The following TAFA1 variants were observed in gnomAD, a reference collection of about 807,000 sequenced individuals.
The protein encoded by TAFA1 is chemokine-like protein TAFA-1.
A neutral mutation model predicts 18.5 loss-of-function variants in TAFA1; 4 were observed. The ratio of observed to expected loss-of-function variants is 0.22; its 90% CI spans 0.11 to 0.49. The LOEUF (loss-of-function observed/expected upper bound fraction) is 0.49, where lower values mean the gene tolerates loss of function less well. Ranked by LOEUF, TAFA1 falls within the 20% of genes least tolerant of loss-of-function variation. The probability of loss-of-function intolerance (pLI) is 0.98; values close to 1 mark genes in which losing one functional copy is unlikely to be tolerated. For synonymous variants in TAFA1, 56 were observed against 55.2 expected, an observed-to-expected ratio of 1.01 and a Z score of -0.06; for missense variants, 147 against 169.0, an observed-to-expected ratio of 0.87 and a Z score of 0.72.
At chr3:68,099,850 C>T (rs1333694262) in intron 2 of TAFA1, among the ~76,000 whole-genome samples, 3 of 152,160 alleles carry the variant, frequency 2.0e-5, no homozygotes, top group Non-Finnish European at 4.4e-5. Context: ...TTTGCAGCAA[C>T]ATACATGCAG....
chr3:68,044,030 G>T (rs919748491), intron 2 of TAFA1, among the ~76,000 whole-genome samples: 1 of 152,130 alleles, frequency 6.6e-6, no homozygotes, highest in Non-Finnish European at 1.5e-5. Flanking sequence ...GAAAATCACA[G>T]TCCTCAATTT....
At chr3:68,204,848 T>G (rs752086425) in intron 2 of TAFA1, among the ~76,000 whole-genome samples, 1 of 151,882 alleles carries the variant, frequency 6.6e-6, no homozygotes, top group African/African-American at 2.4e-5. Context: ...AACAAAGATA[T>G]ACAGTTACCT....
At chr3:68,108,943 G>T (rs1254214970) in intron 2 of TAFA1, among the ~76,000 whole-genome samples, 2 of 147,486 alleles carry the variant, frequency 1.4e-5, no homozygotes, top group African/African-American at 5.0e-5. Flanking sequence ...ATTCTATCAT[G>T]TTGCCATATT....
intron 3 of TAFA1, among the ~76,000 whole-genome samples, chr3:68,495,998 C>CAAA (rs199520960): frequency 5.6e-5 from 6 of 107,570 alleles, no homozygotes; most frequent in East Asian, 2.8e-4. Flanking sequence ...TTCCCTGAAG[C>CAAA]AAAAAAAAAA....
intron 3 of TAFA1, among the ~76,000 whole-genome samples, chr3:68,455,699 G>A (rs1298988423): frequency 6.6e-6 from 1 of 151,814 alleles, no homozygotes; most frequent in African/African-American, 2.4e-5. Context: ...AGATTTTCTT[G>A]ATTGGCCCTG....
At chr3:68,380,080 C>T (rs906726963) in intron 2 of TAFA1, among the ~76,000 whole-genome samples, 1 of 152,100 alleles carries the variant, frequency 6.6e-6, no homozygotes, top group Admixed American at 6.6e-5. Context: ...ATCCATGTCC[C>T]TACAAAGGAC....
At chr3:68,379,932 A>G (rs2069901148) in intron 2 of TAFA1, among the ~76,000 whole-genome samples, 1 of 151,164 alleles carries the variant, frequency 6.6e-6, no homozygotes, top group Non-Finnish European at 1.5e-5. Flanking sequence ...CCACCCCACA[A>G]CAGTCCCCAA....
intron 2 of TAFA1, among the ~76,000 whole-genome samples, chr3:68,298,228 G>A (rs575303978): frequency 2.0e-5 from 3 of 152,280 alleles, no homozygotes; most frequent in South Asian, 2.1e-4. Context: ...ACTTCTAGTG[G>A]AGCCACTTAG....
chr3:68,193,537 C>T (rs2107019671), intron 2 of TAFA1, among the ~76,000 whole-genome samples: 1 of 151,774 alleles, frequency 6.6e-6, no homozygotes, highest in East Asian at 2.0e-4. Flanking sequence ...CTTGCATTCT[C>T]AACAACAGAG....
chr3:68,236,566 C>T (rs753831187), intron 2 of TAFA1, among the ~76,000 whole-genome samples: 14 of 152,172 alleles, frequency 9.2e-5, no homozygotes, highest in Non-Finnish European at 1.3e-4. Flanking sequence ...CGTTCGCTAA[C>T]CAACTGCATG....
rs2066497973 is a variant in TAFA1 at position 68,204,013 on chromosome 3, A to G, written c.118+197269A>G. ...TTTAGCTCTCAGACTTGTCTACACC[A>G]ACCCTTCAGCAATTCATTGATTACA... is the stretch of plus-strand genomic sequence containing the variant. On this transcript the variant is annotated intron_variant, in intron 2 of 4. Coordinates refer to ENST00000478136, the MANE Select transcript of TAFA1 (RefSeq NM_213609.4). 2.8e-5 allele frequency among the ~76,000 whole-genome samples: 4 copies of G among 143,406 alleles called. No individual in the cohort carries two copies. In the South Asian group the frequency reaches 8.8e-4, roughly 31 times the overall value. The allele number at this position is 143,406 out of a possible 152,430, so 94.1% of individuals were successfully genotyped here. A position where few individuals can be genotyped will look rare whatever the true frequency, so the allele number is the denominator to read the frequency against.
At chr3:68,353,828 T>TA (rs1214961590) in intron 2 of TAFA1, among the ~76,000 whole-genome samples, 1 of 151,980 alleles carries the variant, frequency 6.6e-6, no homozygotes, top group Non-Finnish European at 1.5e-5. Flanking sequence ...ACGTATGGGC[T>TA]AAAAAAGAGT....
intron 2 of TAFA1, among the ~76,000 whole-genome samples, chr3:68,133,088 C>T (rs2065562736): frequency 6.6e-6 from 1 of 152,154 alleles, no homozygotes; most frequent in Non-Finnish European, 1.5e-5. Flanking sequence ...CTGCATATGG[C>T]TAGCCACTTT....
intron 2 of TAFA1, among the ~76,000 whole-genome samples, chr3:68,256,667 GAC>G (rs2067305298): frequency 6.6e-6 from 1 of 152,040 alleles, no homozygotes; most frequent in Admixed American, 6.6e-5. Context: ...ATGTTATTTG[GAC>G]ACTCTGGAAG....
intron 3 of TAFA1, among the ~76,000 whole-genome samples, chr3:68,478,330 T>C (rs2072144709): frequency 6.6e-6 from 1 of 152,208 alleles, no homozygotes; most frequent in African/African-American, 2.4e-5. Flanking sequence ...CAACAGGCCC[T>C]TTCTAAATGA....
intron 2 of TAFA1, among the ~76,000 whole-genome samples, chr3:68,146,479 C>T (rs1383734006): frequency 6.6e-6 from 1 of 152,214 alleles, no homozygotes; most frequent in Non-Finnish European, 1.5e-5. Flanking sequence ...AGATGTTCAA[C>T]ACCCAAAGGA....
chr3:68,214,056 A>C (rs1284664333), intron 2 of TAFA1, among the ~76,000 whole-genome samples: 1 of 152,090 alleles, frequency 6.6e-6, no homozygotes, highest in Non-Finnish European at 1.5e-5. Flanking sequence ...GCTGTGTCAA[A>C]GCTGTTTCTC....
chr3:68,315,960 T>C (rs943864948), intron 2 of TAFA1, among the ~76,000 whole-genome samples: 2 of 152,174 alleles, frequency 1.3e-5, no homozygotes, highest in Admixed American at 1.3e-4. Flanking sequence ...GTCAGAGGAA[T>C]ATGAATGAAG....
chr3:68,158,630 G>T (rs1243749076), intron 2 of TAFA1, among the ~76,000 whole-genome samples: 3 of 152,002 alleles, frequency 2.0e-5, no homozygotes, highest in African/African-American at 7.3e-5. Flanking sequence ...TAGAATAGAG[G>T]GCCATGACCT....
Sources: allele counts gnomAD v4.1 joint callset (sites outside exome capture counted in the v4.1 genomes callset), GRCh38; gene constraint gnomAD v4.1.1; transcripts MANE v1.5; gene names NCBI Gene and HGNC (gene_info 2026-07-23, HGNC 2026-07-21).